Variants in IGF2BP1 observed in about 807,000 individuals in gnomAD.
IGF2BP1 encodes the protein insulin like growth factor 2 mRNA binding protein 1, also known as insulin-like growth factor 2 mRNA-binding protein 1.
A neutral mutation model predicts 74.9 loss-of-function variants in IGF2BP1; 11 were observed. That is an observed-to-expected ratio of 0.15 (90% confidence interval 0.09 to 0.24). IGF2BP1 has a LOEUF of 0.24. Among genes scored for constraint, IGF2BP1 ranks in the 10% least tolerant of loss-of-function variants. IGF2BP1 has a pLI of 1.00. For missense variants in IGF2BP1, 440 were observed against 757.4 expected (o/e 0.58, Z 4.92); for synonymous variants, 287 against 281.8 (o/e 1.02, Z -0.18).
Position 49,053,806 on chromosome 17 carries a change from CA to C in IGF2BP1, c.*4363del, listed in dbSNP as rs2042194645. 1 of 152,672 alleles carries C rather than the reference CA, an allele frequency of 6.5e-6. No individual in the cohort carries two copies. Among genetic ancestry groups the C allele is most frequent in the Admixed American group, 6.5e-5 (1 of 15,292 alleles). The allele number at this position is 152,672 out of a possible 1,614,324, so 9.5% of individuals were successfully genotyped here. On this transcript the variant is annotated 3_prime_UTR_variant, in exon 15 of 15. Coordinates refer to ENST00000290341, the MANE Select transcript of IGF2BP1 (RefSeq NM_006546.4). ...GCAACCCCTTCCTCCCACCTCTCAT[CA>C]GGGGTGGGGGTTCTCCTTTCTTTCC...
At chr17:49,014,764 C>A (rs2041672301) in intron 2 of IGF2BP1, 1 of 985,190 alleles carries the variant, frequency 1.0e-6, no homozygotes, top group African/African-American at 1.7e-5. Flanking sequence ...CAGATGTTTG[C>A]CCATCGTCAT....
intron 14 of IGF2BP1, among the ~76,000 whole-genome samples, chr17:49,047,397 A>T (rs1397149395): frequency 2.0e-5 from 3 of 152,140 alleles, no homozygotes; most frequent in Admixed American, 1.3e-4. Context: ...AGATTTATCG[A>T]TGCCTTTGTA....
rs1464938413 is a variant in IGF2BP1 at position 49,054,001 on chromosome 17, C to T, written c.*4557C>T. On this transcript the variant is annotated 3_prime_UTR_variant, in exon 15 of 15. Transcript: ENST00000290341. ...GCCAGGGGACATAAAAGCCATTTCC[C>T]TTCCAAATACTCGACAATTTAGATG... 1 of 152,726 alleles carries T rather than the reference C, an allele frequency of 6.5e-6. No individual in the cohort carries two copies. Among genetic ancestry groups the T allele is most frequent in the East Asian group, 1.9e-4 (1 of 5,206 alleles). The allele number at this position is 152,726 out of a possible 1,614,324, so 9.5% of individuals were successfully genotyped here.
intron 7 of IGF2BP1, 136 bp downstream of exon 7, chr17:49,040,227 A>T: frequency 9.7e-7 from 1 of 1,032,540 alleles, no homozygotes; most frequent in Non-Finnish European, 1.4e-6. Flanking sequence ...ACTGAGAAAT[A>T]AAATCTTTCT....
chr17:49,025,729 C>T, intron 3 of IGF2BP1, 63 bp downstream of exon 3: 1 of 1,478,322 alleles, frequency 6.8e-7, no homozygotes, highest in Non-Finnish European at 9.4e-7. Context: ...TACGTCTGGA[C>T]TAGCTGGAGT....
intron 6 of IGF2BP1, among the ~76,000 whole-genome samples, chr17:49,039,370 C>G (rs1392353719): frequency 6.6e-6 from 1 of 152,102 alleles, no homozygotes; most frequent in African/African-American, 2.4e-5. Flanking sequence ...AATTCCCACC[C>G]CTGCATTTGT....
At chr17:49,010,276 C>G (rs1431286375) in intron 2 of IGF2BP1, among the ~76,000 whole-genome samples, 1 of 149,752 alleles carries the variant, frequency 6.7e-6, no homozygotes, top group Admixed American at 6.6e-5. Context: ...CATTTAAAAA[C>G]TATTGCCAGT....
chr17:49,037,011 G>A (rs984928559), intron 5 of IGF2BP1: 4 of 212,040 alleles, frequency 1.9e-5, no homozygotes, highest in Non-Finnish European at 3.0e-5. Flanking sequence ...TCAAAGAGGA[G>A]TGTGTGCCAT....
chr17:49,023,956 G>C (rs1421625310), intron 2 of IGF2BP1, among the ~76,000 whole-genome samples: 1 of 148,074 alleles, frequency 6.8e-6, no homozygotes, highest in African/African-American at 2.5e-5. Flanking sequence ...TCATTCTGTT[G>C]CCCAGGCTGC....
At chr17:49,034,773 A>C (rs571885389) in intron 5 of IGF2BP1, among the ~76,000 whole-genome samples, 3 of 151,568 alleles carry the variant, frequency 2.0e-5, no homozygotes, top group Non-Finnish European at 4.4e-5. Context: ...AACAAAAAAA[A>C]CGAAAAACCA....
At position 49,055,660 on chromosome 17, in the gene IGF2BP1, C is replaced by T; in HGVS notation, c.*6216C>T. 2.5e-6 allele frequency: 1 copy of T among 398,482 alleles called. No homozygotes were observed. Among genetic ancestry groups the T allele is most frequent in the East Asian group, 3.6e-5 (1 of 28,082 alleles). The allele number at this position is 398,482 out of a possible 1,614,324, so 24.7% of individuals were successfully genotyped here. A position where few individuals can be genotyped will look rare whatever the true frequency, so the allele number is the denominator to read the frequency against. ...GTCCTCTATCACCATTTGGAGTCTC[C>T]CTTTTCTCCAGGATCTTGATCCTGG... On this transcript the variant is annotated 3_prime_UTR_variant, in exon 15 of 15. Coordinates refer to ENST00000290341, the MANE Select transcript of IGF2BP1 (RefSeq NM_006546.4).
chr17:49,032,096 G>A, intron 5 of IGF2BP1, 123 bp downstream of exon 5: 1 of 790,936 alleles, frequency 1.3e-6, no homozygotes, highest in Non-Finnish European at 2.1e-6. Context: ...CCAGGGTTCT[G>A]ATATTAGCCC....
At chr17:49,047,437 A>G (rs758472218) in intron 14 of IGF2BP1, among the ~76,000 whole-genome samples, 1 of 152,110 alleles carries the variant, frequency 6.6e-6, no homozygotes, top group Non-Finnish European at 1.5e-5. Flanking sequence ...TGGCTTATGT[A>G]TATTAACTCA....
chr17:49,021,364 C>T (rs781071246), intron 2 of IGF2BP1, among the ~76,000 whole-genome samples: 3 of 152,126 alleles, frequency 2.0e-5, no homozygotes, highest in Non-Finnish European at 2.9e-5. Context: ...CAAGGATGCT[C>T]TTTCCCTCTG....
At chr17:49,004,065 C>T (rs529416796) in intron 2 of IGF2BP1, among the ~76,000 whole-genome samples, 2 of 152,266 alleles carry the variant, frequency 1.3e-5, no homozygotes, top group South Asian at 2.1e-4. Context: ...CTTCCCCGCC[C>T]GCCCCCGCGC....
At chr17:49,012,400 A>G (rs1598128676) in intron 2 of IGF2BP1, 1 of 152,146 alleles carries the variant, frequency 6.6e-6, no homozygotes, top group Admixed American at 6.5e-5. Context: ...AAGGTGTGGG[A>G]TCTGGGGTCA....
intron 2 of IGF2BP1, among the ~76,000 whole-genome samples, chr17:49,020,078 G>A (rs1420011634): frequency 6.7e-6 from 1 of 149,872 alleles, no homozygotes; most frequent in Non-Finnish European, 1.5e-5. Context: ...GTGGGGGACA[G>A]AGTCATGCTA....
Position 48,999,092 on chromosome 17 carries a change from T to A in IGF2BP1, c.176-17T>A. 1 of 1,511,056 alleles carries A rather than the reference T, an allele frequency of 6.6e-7. No homozygotes were observed. The highest frequency in any genetic ancestry group is 9.2e-7 in the Non-Finnish European group (1 of 1,088,588). The allele number at this position is 1,511,056 out of a possible 1,614,324, so 93.6% of individuals were successfully genotyped here. A position where few individuals can be genotyped will look rare whatever the true frequency, so the allele number is the denominator to read the frequency against. On this transcript the variant is annotated splice_polypyrimidine_tract_variant and intron_variant, in intron 1 of 14. Transcript: ENST00000290341. ...CTGTTCAAGCTCTCATGGTAATTTT[T>A]TTTTTTTAATCTTTAGGGAAAGTAG...
At chr17:49,026,806 C>A (rs2041864405) in intron 4 of IGF2BP1, among the ~76,000 whole-genome samples, 2 of 152,052 alleles carry the variant, frequency 1.3e-5, no homozygotes, top group Admixed American at 1.3e-4. Flanking sequence ...TGAAGTGGCG[C>A]AATCTCGGCT....
Sources: allele counts gnomAD v4.1 joint callset (sites outside exome capture counted in the v4.1 genomes callset), GRCh38; gene constraint gnomAD v4.1.1; transcripts MANE v1.5; gene names NCBI Gene and HGNC (gene_info 2026-07-23, HGNC 2026-07-21).